SGCD: variants seen among roughly 807,000 people sequenced by gnomAD.
SGCD encodes the protein delta-sarcoglycan.
In SGCD, 18 loss-of-function variants were observed where a neutral mutation model predicts 36.6. The observed-to-expected ratio is 0.49, with a 90% CI of 0.34 to 0.73. The LOEUF is 0.73. Among genes scored for constraint, SGCD ranks in the 30% least tolerant of loss-of-function variants. The pLI, the probability that SGCD is intolerant of heterozygous loss-of-function variation, is 0.01. For synonymous variants in SGCD, 133 were observed against 130.6 expected, an observed-to-expected ratio of 1.02 and a Z score of -0.12; for missense variants, 387 against 346.7, an observed-to-expected ratio of 1.12 and a Z score of -0.92.
chr5:155,731,263 C>A, the SGCD span, among the ~76,000 whole-genome samples: 3 of 147,634 alleles, frequency 2.0e-5, no homozygotes, highest in Admixed American at 6.9e-5. Flanking sequence ...GCAAGAGTGG[C>A]AGAGAGAAAG....
At chr5:155,920,851 C>T (rs1301573454) in intron 1 of SGCD, among the ~76,000 whole-genome samples, 1 of 152,052 alleles carries the variant, frequency 6.6e-6, no homozygotes, top group Non-Finnish European at 1.5e-5. Context: ...ATAGGTCAGC[C>T]TCAAATAAGG....
At chr5:156,617,248 G>A (rs1762054244) in intron 6 of SGCD, among the ~76,000 whole-genome samples, 1 of 152,210 alleles carries the variant, frequency 6.6e-6, no homozygotes, top group Admixed American at 6.5e-5. Flanking sequence ...GTAGTAAAAA[G>A]AAGCAGGGGA....
intron 3 of SGCD, among the ~76,000 whole-genome samples, chr5:156,432,782 C>A (rs988035313): frequency 3.3e-5 from 5 of 152,230 alleles, no homozygotes; most frequent in Middle Eastern, 3.4e-3. Context: ...AGCTCCCATG[C>A]AGTTGGTGAA....
chr5:156,631,795 G>C (rs985497648), intron 6 of SGCD, among the ~76,000 whole-genome samples: 2 of 152,064 alleles, frequency 1.3e-5, no homozygotes, highest in African/African-American at 4.8e-5. Flanking sequence ...ATTTAAAATT[G>C]AGTCATACAG....
At position 156,144,679 on chromosome 5, in the gene SGCD, C is replaced by T. The variant is rs537668043; in HGVS notation, c.-44+20660C>T. On this transcript the variant is annotated intron_variant, in intron 3 of 9. Transcript: ENST00000517913. ...TAGGTTGCAAAAATTTTCTCCCATTCTGTAGGTTGCCTGTTCACTCTGATG... is the reference window on the plus strand; with the variant it reads ...TAGGTTGCAAAAATTTTCTCCCATTTTGTAGGTTGCCTGTTCACTCTGATG... Among the ~76,000 whole-genome samples the T allele has an allele frequency of 5.9e-5, 9 of 152,280 alleles. No homozygotes were observed. The South Asian group carries it at 1.2e-3, about 21-fold the overall frequency.
At chr5:156,617,289 A>G (rs527630169) in intron 6 of SGCD, among the ~76,000 whole-genome samples, 2 of 152,328 alleles carry the variant, frequency 1.3e-5, no homozygotes, top group African/African-American at 4.8e-5. Context: ...AGAATACTGT[A>G]ATACATTCGT....
chr5:156,247,462 A>T (rs1165160978), intron 3 of SGCD, among the ~76,000 whole-genome samples: 1 of 152,218 alleles, frequency 6.6e-6, no homozygotes, highest in Non-Finnish European at 1.5e-5. Flanking sequence ...GAACAAGAAG[A>T]ATGTAGGGAA....
intron 7 of SGCD, among the ~76,000 whole-genome samples, chr5:156,692,342 CA>C (rs1438540654): frequency 6.6e-6 from 1 of 152,144 alleles, no homozygotes; most frequent in African/African-American, 2.4e-5. Context: ...CCATGGGTGA[CA>C]GCGTGGGGAG....
intron 3 of SGCD, among the ~76,000 whole-genome samples, chr5:156,500,828 A>C (rs1756415346): frequency 6.6e-6 from 1 of 152,212 alleles, no homozygotes; most frequent in Admixed American, 6.5e-5. Flanking sequence ...GGAATGTGAA[A>C]AATAGCACTT....
the SGCD span, among the ~76,000 whole-genome samples, chr5:155,859,916 C>A: frequency 6.6e-6 from 1 of 152,194 alleles, no homozygotes; most frequent in Admixed American, 6.5e-5. Context: ...GAAAAGGGTG[C>A]TGACCAGCCC....
At chr5:156,471,433 A>G (rs1350624173) in intron 3 of SGCD, among the ~76,000 whole-genome samples, 1 of 152,174 alleles carries the variant, frequency 6.6e-6, no homozygotes, top group African/African-American at 2.4e-5. Flanking sequence ...GATGTTGGCA[A>G]AAGAACTAAT....
intron 4 of SGCD, among the ~76,000 whole-genome samples, chr5:156,543,434 G>A (rs546642472): frequency 3.9e-5 from 6 of 152,256 alleles, no homozygotes; most frequent in African/African-American, 1.2e-4. Flanking sequence ...CAGGACTCTC[G>A]AAGTATAATA....
At chr5:156,656,940 T>C (rs1252565561) in intron 7 of SGCD, among the ~76,000 whole-genome samples, 1 of 152,198 alleles carries the variant, frequency 6.6e-6, no homozygotes, top group East Asian at 1.9e-4. Flanking sequence ...ATAGTAAATC[T>C]GAACTCCTTT....
intron 4 of SGCD, among the ~76,000 whole-genome samples, chr5:156,587,271 C>T (rs997684069): frequency 1.3e-5 from 2 of 152,150 alleles, no homozygotes; most frequent in African/African-American, 2.4e-5. Flanking sequence ...GTTCAAAGCC[C>T]TTCCTGAATG....
intron 3 of SGCD, among the ~76,000 whole-genome samples, chr5:156,374,051 G>T (rs931236422): frequency 6.6e-6 from 1 of 151,548 alleles, no homozygotes; most frequent in African/African-American, 2.4e-5. Flanking sequence ...TTATTTTTTC[G>T]TGATAAGCAG....
At chr5:156,020,268 T>C (rs1759070539) in intron 1 of SGCD, among the ~76,000 whole-genome samples, 1 of 152,248 alleles carries the variant, frequency 6.6e-6, no homozygotes, top group African/African-American at 2.4e-5. Context: ...CATTTTTGTA[T>C]TTAAATGTTT....
intron 2 of SGCD, among the ~76,000 whole-genome samples, chr5:156,122,570 A>G (rs547932755): frequency 2.3e-4 from 35 of 152,138 alleles, no homozygotes; most frequent in African/African-American, 8.4e-4. Context: ...GTGTTAGAGG[A>G]GCAGCATGGC....
intron 3 of SGCD, among the ~76,000 whole-genome samples, chr5:156,169,595 C>T (rs922396017): frequency 1.3e-5 from 2 of 151,936 alleles, no homozygotes; most frequent in African/African-American, 4.8e-5. Context: ...TATAAGATGC[C>T]AGGTGATGAG....
chr5:156,608,674 A>T (rs942965248), intron 6 of SGCD, among the ~76,000 whole-genome samples: 1 of 152,066 alleles, frequency 6.6e-6, no homozygotes, highest in African/African-American at 2.4e-5. Context: ...ATTGTGTGGG[A>T]TTCTAATTCT....
Sources: gnomAD v4.1 joint callset for allele counts (sites outside exome capture counted in the v4.1 genomes callset) on GRCh38, gnomAD v4.1.1 for gene constraint, MANE v1.5 for transcripts, NCBI Gene and HGNC (gene_info 2026-07-23, HGNC 2026-07-21) for gene names.